The following PDE4C variants were observed in gnomAD, a reference collection of about 807,000 sequenced individuals.
PDE4C encodes the protein phosphodiesterase 4C, also known as 3',5'-cyclic-AMP phosphodiesterase 4C.
Under a neutral mutation model 63.9 loss-of-function variants are expected in PDE4C, and 50 were observed. That is an observed-to-expected ratio of 0.78 (90% CI 0.62 to 0.99). PDE4C has a LOEUF of 0.99. PDE4C is among the 50% of genes least tolerant of loss of function. The pLI is 0.00. For synonymous variants in PDE4C, 377 were observed against 385.1 expected (o/e 0.98, Z 0.25); for missense variants, 777 against 899.1 (o/e 0.86, Z 1.74).
intron 13 of PDE4C, among the ~76,000 whole-genome samples, chr19:18,212,835 C>T (rs1431498154): frequency 6.6e-6 from 1 of 150,860 alleles, no homozygotes; most frequent in Non-Finnish European, 1.5e-5. Context: ...TTACAGGCGC[C>T]CGCCACCACA....
chr19:18,226,386 G>T, exon 1 of PDE4C: 1 of 1,463,264 alleles, frequency 6.8e-7, no homozygotes. Context: ...CGGGCCCGGG[G>T]ACCGGGGCGG....
chr19:18,251,680 C>CG (rs1485822444), upstream of PDE4C, among the ~76,000 whole-genome samples: 20 of 82,224 alleles, frequency 2.4e-4, no homozygotes, highest in Admixed American at 7.5e-4. Flanking sequence ...TGATACACGC[C>CG]CCCCCCGCCC....
chr19:18,247,662 C>T (rs76832358), intron 1 of PDE4C, among the ~76,000 whole-genome samples: 5,360 of 152,242 alleles, frequency 0.035, 322 homozygotes, highest in African/African-American at 0.12. Context: ...CACCCCCACC[C>T]CCTACTCACT....
At chr19:18,218,218 C>T in exon 11 of PDE4C, 1 of 1,614,228 alleles carries the variant, frequency 6.2e-7, no homozygotes, top group Non-Finnish European at 8.5e-7. Context: ...GCAAAGAGGG[C>T]AGCCAGGATT....
intron 12 of PDE4C, among the ~76,000 whole-genome samples, chr19:18,214,360 G>A (rs1600061835): frequency 6.6e-6 from 1 of 152,118 alleles, no homozygotes; most frequent in East Asian, 1.9e-4. Context: ...AGGGTGACTT[G>A]TGCCTGAGGA....
At chr19:18,226,499 AG>A, upstream of PDE4C, 1 of 1,047,752 alleles carries the variant, frequency 9.5e-7, no homozygotes, top group Non-Finnish European at 1.2e-6. Context: ...CCCAGCGGGG[AG>A]GGGGCAAAGG....
chr19:18,235,392 A>AAC (rs1968933752), upstream of PDE4C, among the ~76,000 whole-genome samples: 2 of 152,158 alleles, frequency 1.3e-5, no homozygotes, highest in African/African-American at 4.8e-5. Context: ...GCTGGACTCG[A>AAC]TCTCCTGACC....
chr19:18,247,774 A>G (rs1480545841), intron 1 of PDE4C, among the ~76,000 whole-genome samples: 1 of 152,096 alleles, frequency 6.6e-6, no homozygotes, highest in Non-Finnish European at 1.5e-5. Context: ...CTGGGAGCCC[A>G]GGTACGGCCC....
chr19:18,212,979 C>T (rs1202788378), intron 13 of PDE4C, among the ~76,000 whole-genome samples: 2 of 147,918 alleles, frequency 1.4e-5, no homozygotes, highest in Non-Finnish European at 3.0e-5. Context: ...AGCCACTGCG[C>T]CCGGCTGCTA....
At chr19:18,215,062 TC>T (rs1344592137) in intron 12 of PDE4C, among the ~76,000 whole-genome samples, 1 of 151,594 alleles carries the variant, frequency 6.6e-6, no homozygotes, top group Non-Finnish European at 1.5e-5. Flanking sequence ...TCAAAACTTC[TC>T]CTCAAATCTC....
At chr19:18,226,278 A>T in exon 1 of PDE4C, 1 of 1,564,612 alleles carries the variant, frequency 6.4e-7, no homozygotes, top group South Asian at 1.2e-5. Context: ...ACCACAGCGG[A>T]TGGGCCACCG....
chr19:18,233,630 C>A, exon 1 of PDE4C: 2 of 429,144 alleles, frequency 4.7e-6, no homozygotes, highest in Non-Finnish European at 9.3e-6. Flanking sequence ...GGGGCCGAGA[C>A]GGTGTCCCTC....
intron 2 of PDE4C, 66 bp downstream of exon 2, chr19:18,222,066 C>A: frequency 7.1e-7 from 1 of 1,401,488 alleles, no homozygotes; most frequent in Non-Finnish European, 9.8e-7. Context: ...AAGGAGCTTG[C>A]TGAATAGAGG....
chr19:18,222,669 C>CTCT (rs2148032590), intron 1 of PDE4C, among the ~76,000 whole-genome samples: 1 of 63,220 alleles, frequency 1.6e-5, no homozygotes, highest in African/African-American at 4.9e-5. Context: ...CTCTCTCTCT[C>CTCT]TCTCTCTCTC....
chr19:18,209,219 G>A (rs1197370850), downstream of PDE4C: 2 of 152,076 alleles, frequency 1.3e-5, no homozygotes, highest in African/African-American at 2.4e-5. Flanking sequence ...CAAGTAGCTG[G>A]GATTACAGGC....
exon 12 of PDE4C, chr19:18,216,817 T>TGCA (rs1291810993): frequency 1.2e-6 from 2 of 1,613,862 alleles, no homozygotes; most frequent in African/African-American, 2.7e-5. Context: ...GTTCTCTGCC[T>TGCA]GCAGCAGCTT....
chr19:18,236,437 G>T (rs1968952081), upstream of PDE4C, among the ~76,000 whole-genome samples: 1 of 151,890 alleles, frequency 6.6e-6, no homozygotes, highest in Admixed American at 6.6e-5. Context: ...TGACCAGGCT[G>T]GTCTCGAACT....
chr19:18,211,101 A>T, exon 15 of PDE4C: 1 of 1,614,020 alleles, frequency 6.2e-7, no homozygotes. Context: ...TTCAAACTGG[A>T]ATCTGTCAGG....
At chr19:18,231,935 C>T (rs1968856538) in intron 1 of PDE4C, among the ~76,000 whole-genome samples, 1 of 151,880 alleles carries the variant, frequency 6.6e-6, no homozygotes, top group African/African-American at 2.4e-5. Flanking sequence ...TTCCTGTGCA[C>T]GAGCTTCCCA....
Sources: gnomAD v4.1 joint callset for allele counts (sites outside exome capture counted in the v4.1 genomes callset) on GRCh38, gnomAD v4.1.1 for gene constraint, MANE v1.5 for transcripts, NCBI Gene and HGNC (gene_info 2026-07-23, HGNC 2026-07-21) for gene names.